The following ROBO2 variants were observed in gnomAD, a reference collection of about 807,000 sequenced individuals.
ROBO2 encodes roundabout homolog 2.
A neutral mutation model predicts 160.8 loss-of-function variants in ROBO2; 53 were observed. That is an observed-to-expected ratio of 0.33 (90% CI 0.26 to 0.41). ROBO2 has a LOEUF of 0.41. Ranked by LOEUF, ROBO2 falls within the 10% of genes least tolerant of loss-of-function variation. The pLI, the probability that ROBO2 is intolerant of heterozygous loss-of-function variation, is 1.00. For missense variants in ROBO2, 1,577 were observed against 1,722.4 expected, an observed-to-expected ratio of 0.92 and a Z score of 1.49; for synonymous variants, 664 against 611.7, an observed-to-expected ratio of 1.09 and a Z score of -1.26.
intron 2 of ROBO2, among the ~76,000 whole-genome samples, chr3:76,351,283 A>T (rs2074858802): frequency 6.6e-6 from 1 of 152,012 alleles, no homozygotes; most frequent in Non-Finnish European, 1.5e-5. Context: ...CAATACTAAT[A>T]GCAACAGCCC....
chr3:76,516,146 G>A lies in ROBO2; in HGVS notation c.109+578544G>A, dbSNP rs528976341. Among the ~76,000 whole-genome samples the A allele has an allele frequency of 9.2e-5, 14 of 152,244 alleles. No homozygotes were observed. In the South Asian group the frequency reaches 2.7e-3, roughly 29 times the overall value. On this transcript the variant is annotated intron_variant, in intron 2 of 26. Coordinates refer to the ROBO2 transcript ENST00000487694. ...TCCATTTGTGCAATTTACAAAAAGTGAGAAATAGATTTGTTACAATCTTGA... is the reference window on the plus strand; with the variant it reads ...TCCATTTGTGCAATTTACAAAAAGTAAGAAATAGATTTGTTACAATCTTGA...
At chr3:77,444,769 T>C (rs796280561) in intron 2 of ROBO2, among the ~76,000 whole-genome samples, 6 of 152,330 alleles carry the variant, frequency 3.9e-5, no homozygotes, top group African/African-American at 1.4e-4. Flanking sequence ...TTTGGGAGTT[T>C]GGAAAGACCT....
chr3:76,512,137 T>TCCAATTATCAAAATGTA (rs2081122707), intron 2 of ROBO2, among the ~76,000 whole-genome samples: 1 of 152,104 alleles, frequency 6.6e-6, no homozygotes, highest in Non-Finnish European at 1.5e-5. Flanking sequence ...ATGAGGCAGA[T>TCCAATTATCAAAATGTA]GACTCTGGGA....
chr3:76,962,248 T>C (rs1381211734), intron 2 of ROBO2, among the ~76,000 whole-genome samples: 1 of 151,734 alleles, frequency 6.6e-6, no homozygotes, highest in Non-Finnish European at 1.5e-5. Context: ...GGCAGGAGAA[T>C]TGCTTGAACA....
At chr3:77,251,897 A>G (rs1476091600) in intron 2 of ROBO2, among the ~76,000 whole-genome samples, 1 of 152,174 alleles carries the variant, frequency 6.6e-6, no homozygotes, top group African/African-American at 2.4e-5. Context: ...TTTATGAATT[A>G]CCCAGTCTCA....
chr3:76,016,981 C>T (rs1313169520), intron 2 of ROBO2, among the ~76,000 whole-genome samples: 1 of 152,086 alleles, frequency 6.6e-6, no homozygotes, highest in African/African-American at 2.4e-5. Flanking sequence ...AAAATACCAT[C>T]AGTTACATGA....
chr3:76,245,661 C>G (rs1705572967), intron 2 of ROBO2, among the ~76,000 whole-genome samples: 1 of 151,760 alleles, frequency 6.6e-6, no homozygotes, highest in Admixed American at 6.6e-5. Context: ...TAAAATTTTT[C>G]TCTAGTCTCA....
chr3:77,048,735 T>G (rs1203822300), intron 1 of ROBO2, among the ~76,000 whole-genome samples: 1 of 152,232 alleles, frequency 6.6e-6, no homozygotes, highest in Non-Finnish European at 1.5e-5. Context: ...CTTTTTATAA[T>G]TATCCATTAG....
At chr3:77,264,180 C>A (rs571711854) in intron 2 of ROBO2, among the ~76,000 whole-genome samples, 1 of 152,106 alleles carries the variant, frequency 6.6e-6, no homozygotes, top group South Asian at 2.1e-4. Context: ...AAAAAACAGC[C>A]GTGATTTTCT....
chr3:76,239,914 AT>A (rs1361226931), intron 2 of ROBO2, among the ~76,000 whole-genome samples: 2 of 152,072 alleles, frequency 1.3e-5, no homozygotes, highest in Non-Finnish European at 2.9e-5. Flanking sequence ...CAGAGAAACC[AT>A]GTTGATGATG....
chr3:76,723,813 G>T (rs2093503380), intron 2 of ROBO2, among the ~76,000 whole-genome samples: 1 of 152,150 alleles, frequency 6.6e-6, no homozygotes, highest in South Asian at 2.1e-4. Context: ...TTCTCTAAGT[G>T]TGAGTTGTCT....
chr3:76,798,230 AAAGAAAGAAAAAAAG>A (rs2063875424), intron 2 of ROBO2, among the ~76,000 whole-genome samples: 1 of 149,094 alleles, frequency 6.7e-6, no homozygotes, highest in Non-Finnish European at 1.5e-5. Flanking sequence ...AAAGAAAGAG[AAAGAAAGAAAAAAAG>A]AAGAAAGAAA....
chr3:75,936,441 C>A (rs1947785237), intron 1 of ROBO2, among the ~76,000 whole-genome samples: 1 of 152,054 alleles, frequency 6.6e-6, no homozygotes, highest in Admixed American at 6.6e-5. Flanking sequence ...TTAGGAGTAA[C>A]CTCTGATTTA....
intron 2 of ROBO2, among the ~76,000 whole-genome samples, chr3:77,171,420 C>T (rs1187639135): frequency 1.3e-5 from 2 of 152,054 alleles, no homozygotes; most frequent in African/African-American, 2.4e-5. Flanking sequence ...GAATTGTTGG[C>T]ATTCTTTCTA....
At chr3:76,463,105 T>C (rs59991453) in intron 2 of ROBO2, among the ~76,000 whole-genome samples, 272 of 152,276 alleles carry the variant, frequency 1.8e-3, no homozygotes, top group African/African-American at 6.4e-3. Context: ...TAGCATGGCC[T>C]ATATCCAAGG....
chr3:77,036,994 C>G (rs767975914), upstream of ROBO2, among the ~76,000 whole-genome samples: 1 of 151,506 alleles, frequency 6.6e-6, no homozygotes, highest in Non-Finnish European at 1.5e-5. Flanking sequence ...AGGCAGTGCT[C>G]ACTAAAACTG....
chr3:76,956,215 T>C (rs1275878388), intron 2 of ROBO2, among the ~76,000 whole-genome samples: 1 of 152,170 alleles, frequency 6.6e-6, no homozygotes, highest in Non-Finnish European at 1.5e-5. Flanking sequence ...GCATTAGATA[T>C]TTATTTTACT....
At chr3:77,368,042 G>C (rs924674582) in intron 2 of ROBO2, among the ~76,000 whole-genome samples, 59 of 152,218 alleles carry the variant, frequency 3.9e-4, no homozygotes, top group African/African-American at 1.4e-3. Flanking sequence ...CATCTGCCTT[G>C]TCTGAATTTT....
At chr3:75,949,527 G>A (rs1364443377) in intron 2 of ROBO2, among the ~76,000 whole-genome samples, 2 of 152,046 alleles carry the variant, frequency 1.3e-5, no homozygotes, top group Non-Finnish European at 2.9e-5. Flanking sequence ...GGATTGAAAT[G>A]TTCACTCAAC....
Sources: gnomAD v4.1 joint callset for allele counts (sites outside exome capture counted in the v4.1 genomes callset) on GRCh38, gnomAD v4.1.1 for gene constraint, MANE v1.5 for transcripts, NCBI Gene and HGNC (gene_info 2026-07-23, HGNC 2026-07-21) for gene names.